Variants in CHCHD3 observed in about 807,000 individuals in gnomAD.
CHCHD3 encodes the protein MICOS complex subunit MIC19.
A neutral mutation model predicts 38.2 loss-of-function variants in CHCHD3; 20 were observed. The observed-to-expected ratio is 0.52, with a 90% CI of 0.37 to 0.76. The LOEUF (loss-of-function observed/expected upper bound fraction) is 0.76, where lower values mean the gene tolerates loss of function less well. CHCHD3 is among the 30% of genes least tolerant of loss of function. CHCHD3 has a pLI of 0.00. For synonymous variants in CHCHD3, 82 were observed against 100.0 expected, an observed-to-expected ratio of 0.82 and a Z score of 1.07; for missense variants, 245 against 279.2, an observed-to-expected ratio of 0.88 and a Z score of 0.87.
chr7:132,911,954 A>C (rs1460518580), intron 4 of CHCHD3, among the ~76,000 whole-genome samples: 1 of 152,166 alleles, frequency 6.6e-6, no homozygotes. Flanking sequence ...TTATCCCCTC[A>C]ATTGCTACTA....
At position 132,975,234 on chromosome 7, in the gene CHCHD3, A is replaced by C; in HGVS notation, c.304T>G (p.Leu102Val). ...DRERAAANEQ[L>V]TRAILRERIC... ...CTCTCCCGAAGGATGGCTCTGGTTA[A>C]CTGCTCATTGGCAGCAGCCCTCTCT... The change falls in exon 4 of 8, where the codon TTA becomes GTA. Residue 102 changes from leucine (L) to valine (V), a missense_variant. Coordinates refer to ENST00000262570, the MANE Select transcript of CHCHD3 (RefSeq NM_017812.4). The C allele has an allele frequency of 1.2e-6, 2 of 1,612,864 alleles. No homozygotes were observed. The highest frequency in any genetic ancestry group is 1.7e-6 in the Non-Finnish European group (2 of 1,180,000).
intron 4 of CHCHD3, among the ~76,000 whole-genome samples, chr7:132,969,984 G>A (rs1007316160): frequency 5.9e-5 from 9 of 152,206 alleles, no homozygotes; most frequent in Middle Eastern, 6.8e-3. Context: ...CAGCATTAAC[G>A]TTAAAACAGA....
chr7:132,897,851 C>A (rs556855969), intron 4 of CHCHD3, among the ~76,000 whole-genome samples: 2 of 147,054 alleles, frequency 1.4e-5, no homozygotes, highest in African/African-American at 5.5e-5. Context: ...CTTGGTCTCA[C>A]TGACTTCAAG....
chr7:133,036,055 T>C (rs940085637), intron 2 of CHCHD3: 2 of 719,120 alleles, frequency 2.8e-6, no homozygotes, highest in South Asian at 1.6e-5. Context: ...CCAACACACA[T>C]GATGATTTCA....
chr7:132,822,038 A>G (rs532205761), intron 6 of CHCHD3, among the ~76,000 whole-genome samples: 1 of 152,298 alleles, frequency 6.6e-6, no homozygotes, highest in South Asian at 2.1e-4. Flanking sequence ...ATCCCAGCCT[A>G]ATGCACTTTC....
At chr7:132,961,466 T>C (rs1228611531) in intron 4 of CHCHD3, among the ~76,000 whole-genome samples, 1 of 152,218 alleles carries the variant, frequency 6.6e-6, no homozygotes, top group Non-Finnish European at 1.5e-5. Context: ...TACTGGGGTG[T>C]AACTGACAAG....
intron 5 of CHCHD3, among the ~76,000 whole-genome samples, chr7:132,861,471 A>C (rs1001291952): frequency 6.6e-6 from 1 of 152,098 alleles, no homozygotes; most frequent in African/African-American, 2.4e-5. Context: ...TGATGGTGGG[A>C]AACAGGTTCT....
chr7:133,056,013 T>C (rs539969887), intron 2 of CHCHD3, among the ~76,000 whole-genome samples: 40 of 152,068 alleles, frequency 2.6e-4, no homozygotes, highest in Non-Finnish European at 4.9e-4. Context: ...AATGTGGTGG[T>C]GGCACACACT....
intron 5 of CHCHD3, among the ~76,000 whole-genome samples, chr7:132,863,595 A>T (rs1326742533): frequency 2.0e-5 from 3 of 152,216 alleles, no homozygotes; most frequent in South Asian, 4.1e-4. Context: ...GGGGCTTTGA[A>T]GCCAGGCCCT....
chr7:133,000,607 T>C (rs1812544831), intron 3 of CHCHD3, among the ~76,000 whole-genome samples: 1 of 152,190 alleles, frequency 6.6e-6, no homozygotes, highest in African/African-American at 2.4e-5. Context: ...GCAATTGTCT[T>C]ATGTTTAAAT....
intron 5 of CHCHD3, among the ~76,000 whole-genome samples, chr7:132,862,881 G>C (rs1167672761): frequency 1.3e-5 from 2 of 152,134 alleles, no homozygotes; most frequent in African/African-American, 4.8e-5. Context: ...AACATTAAAA[G>C]TTTCATCATG....
chr7:132,815,422 C>A, intron 6 of CHCHD3: 1 of 345,946 alleles, frequency 2.9e-6, no homozygotes, highest in Non-Finnish European at 5.7e-6. Flanking sequence ...AAGGAAATGG[C>A]AGGAATGACT....
At chr7:132,855,610 T>C (rs985771339) in intron 5 of CHCHD3, among the ~76,000 whole-genome samples, 9 of 152,140 alleles carry the variant, frequency 5.9e-5, no homozygotes, top group Non-Finnish European at 1.0e-4. Flanking sequence ...TAGAGGCACA[T>C]TGAAAAGTCT....
At chr7:132,986,596 G>A (rs1812131517) in intron 3 of CHCHD3, among the ~76,000 whole-genome samples, 1 of 152,094 alleles carries the variant, frequency 6.6e-6, no homozygotes, top group Admixed American at 6.6e-5. Context: ...TTGAGAAAGA[G>A]GTTTTACTTA....
intron 6 of CHCHD3, among the ~76,000 whole-genome samples, chr7:132,819,971 AT>A (rs1807303153): frequency 6.6e-6 from 1 of 152,288 alleles, no homozygotes; most frequent in South Asian, 2.1e-4. Flanking sequence ...TATTTTCATA[AT>A]GTGGTTTAAT....
At chr7:132,789,906 G>A (rs1806416709) in intron 7 of CHCHD3, among the ~76,000 whole-genome samples, 3 of 152,150 alleles carry the variant, frequency 2.0e-5, no homozygotes, top group South Asian at 2.1e-4. Context: ...AGGAGGGTCA[G>A]GAAAAGTGGG....
At chr7:132,845,010 T>A (rs1808040652) in intron 5 of CHCHD3, 1 of 152,242 alleles carries the variant, frequency 6.6e-6, no homozygotes, top group African/African-American at 2.4e-5. Flanking sequence ...ATACGTTTCC[T>A]GTAAAACCTA....
chr7:132,931,609 A>G (rs905031291), intron 4 of CHCHD3, among the ~76,000 whole-genome samples: 11 of 152,216 alleles, frequency 7.2e-5, no homozygotes, highest in African/African-American at 2.4e-4. Context: ...ATGTGGGTAA[A>G]CTAATCATTA....
chr7:132,965,749 A>C (rs1811449615), intron 4 of CHCHD3, among the ~76,000 whole-genome samples: 1 of 152,282 alleles, frequency 6.6e-6, no homozygotes, highest in African/African-American at 2.4e-5. Context: ...CATCTCCAAT[A>C]AAATTGGCCC....
Sources: gnomAD v4.1 joint callset for allele counts (sites outside exome capture counted in the v4.1 genomes callset) on GRCh38, gnomAD v4.1.1 for gene constraint, MANE v1.5 for transcripts, NCBI Gene and HGNC (gene_info 2026-07-23, HGNC 2026-07-21) for gene names.